The following RIC1 variants were observed in gnomAD, a reference collection of about 807,000 sequenced individuals.
The protein encoded by RIC1 is guanine nucleotide exchange factor subunit RIC1.
In RIC1, 88 loss-of-function variants were observed where a neutral mutation model predicts 169.0. That is an observed-to-expected ratio of 0.52 (90% CI 0.44 to 0.62). The LOEUF (loss-of-function observed/expected upper bound fraction) is 0.62. Ranked by LOEUF, RIC1 falls within the 20% of genes least tolerant of loss-of-function variation. RIC1 has a pLI of 0.00. For synonymous variants in RIC1, 790 were observed against 601.5 expected (o/e 1.31, Z -4.59); for missense variants, 1,877 against 1,725.5 (o/e 1.09, Z -1.56).
intron 2 of RIC1, among the ~76,000 whole-genome samples, chr9:5,659,381 A>G (rs1819308718): frequency 6.6e-6 from 1 of 152,242 alleles, no homozygotes; most frequent in East Asian, 1.9e-4. Flanking sequence ...ATGTCAACCC[A>G]TTGTCAACCC....
intron 3 of RIC1, among the ~76,000 whole-genome samples, chr9:5,696,286 A>T (rs1821899665): frequency 6.6e-6 from 1 of 152,020 alleles, no homozygotes; most frequent in South Asian, 2.1e-4. Flanking sequence ...ACGAAGTCCA[A>T]GCTCTCTGGC....
At chr9:5,727,344 G>A (rs1331826506) in intron 6 of RIC1, among the ~76,000 whole-genome samples, 1 of 152,090 alleles carries the variant, frequency 6.6e-6, no homozygotes, top group East Asian at 1.9e-4. Context: ...ACTGAAGCTT[G>A]TGCAGGCATC....
chr9:5,647,145 A>G (rs1175670450), intron 1 of RIC1, among the ~76,000 whole-genome samples: 1 of 151,714 alleles, frequency 6.6e-6, no homozygotes, highest in Non-Finnish European at 1.5e-5. Context: ...GTATTTCTGG[A>G]CTCTGTGTTT....
At chr9:5,713,320 C>G (rs1251875310) in intron 3 of RIC1, 3 of 152,238 alleles carry the variant, frequency 2.0e-5, no homozygotes, top group Non-Finnish European at 4.4e-5. Flanking sequence ...TGGCATTGAC[C>G]CAGCACTCTA....
At chr9:5,637,990 T>C (rs1462965621) in intron 1 of RIC1, among the ~76,000 whole-genome samples, 4 of 152,218 alleles carry the variant, frequency 2.6e-5, no homozygotes, top group Non-Finnish European at 5.9e-5. Flanking sequence ...GGGTCTGTTA[T>C]ATATGGCTTT....
chr9:5,757,054 T>C (rs1826054847), intron 16 of RIC1, among the ~76,000 whole-genome samples: 1 of 152,212 alleles, frequency 6.6e-6, no homozygotes, highest in Non-Finnish European at 1.5e-5. Flanking sequence ...CTTAAATATT[T>C]GTATTCTTAT....
At chr9:5,647,936 G>GGGTGGTGATGGTGGTGGT (rs1554658158) in intron 1 of RIC1, among the ~76,000 whole-genome samples, 2 of 121,242 alleles carry the variant, frequency 1.6e-5, no homozygotes, top group African/African-American at 5.9e-5. Context: ...GTGTGGGGGT[G>GGGTGGTGATGGTGGTGGT]GGTGGTGGTG....
At chr9:5,682,431 T>G (rs1820908523) in intron 2 of RIC1, among the ~76,000 whole-genome samples, 1 of 152,228 alleles carries the variant, frequency 6.6e-6, no homozygotes, top group Admixed American at 6.5e-5. Flanking sequence ...TTAGTTTGGC[T>G]GGATATGAAA....
intron 9 of RIC1, among the ~76,000 whole-genome samples, chr9:5,743,353 A>G (rs964632105): frequency 2.0e-5 from 3 of 152,156 alleles, no homozygotes; most frequent in Non-Finnish European, 2.9e-5. Flanking sequence ...AAGTTACGTT[A>G]TCTCATTAGG....
At chr9:5,684,086 C>A (rs374716103) in intron 2 of RIC1, among the ~76,000 whole-genome samples, 1 of 152,134 alleles carries the variant, frequency 6.6e-6, no homozygotes, top group African/African-American at 2.4e-5. Context: ...TGACCCCTTG[C>A]GCTTCCCAGG....
Position 5,738,481 on chromosome 9 carries a change from A to ATT in RIC1, c.844_845insTT (p.Ser282IlefsTer12). On this transcript the variant is annotated frameshift_variant, in exon 8 of 26. Transcript: ENST00000414202. LOFTEE classifies it high-confidence loss of function. The stretch of plus-strand genomic sequence containing the variant: ...TGTGCAGGTCTATACAATAGATAAC[A>ATT]GCACTGGAGCCATGCTGCTATCTCA... 6.2e-7 allele frequency: 1 copy of ATT among 1,606,466 alleles called. No individual in the cohort carries two copies. The highest frequency in any genetic ancestry group is 1.3e-5 in the African/African-American group (1 of 74,242).
At chr9:5,707,658 TG>T (rs1338645215) in intron 3 of RIC1, among the ~76,000 whole-genome samples, 8 of 152,066 alleles carry the variant, frequency 5.3e-5, no homozygotes, top group Non-Finnish European at 1.0e-4. Flanking sequence ...TAAAGTCTTT[TG>T]TTTTTTTGTT....
Position 5,774,269 on chromosome 9 carries a change from G to C in RIC1, c.*23G>C, listed in dbSNP as rs765947761. The C allele has an allele frequency of 8.2e-6, 13 of 1,579,038 alleles. No individual in the cohort carries two copies. The highest frequency in any genetic ancestry group is 2.7e-5 in the African/African-American group (2 of 74,058). On this transcript the variant is annotated 3_prime_UTR_variant, in exon 26 of 26. Coordinates refer to ENST00000414202, the MANE Select transcript of RIC1 (RefSeq NM_020829.4). ...TAACAGTGAGGTTCCATCACAAAGG[G>C]GCAGTATTAATTAGCAGCAGCGTGC... is the stretch of plus-strand genomic sequence containing the variant.
chr9:5,631,493 C>G (rs938976815), intron 1 of RIC1, among the ~76,000 whole-genome samples: 7 of 152,128 alleles, frequency 4.6e-5, no homozygotes, highest in African/African-American at 1.7e-4. Flanking sequence ...CGAGACCATC[C>G]TGGCCAACAT....
chr9:5,757,331 T>G lies in RIC1; in HGVS notation c.1872T>G (p.Gly624=). Residue 624 remains glycine (G), a synonymous_variant, in exon 17 of 26, where the codon GGT becomes GGG. Coordinates refer to ENST00000414202, the MANE Select transcript of RIC1 (RefSeq NM_020829.4). ...TTTACAGTCCAAATACTACTGCTGGTATTCAAGTTCTTCAGGAGGTTTCCA... is the reference window on the plus strand; with the variant it reads ...TTTACAGTCCAAATACTACTGCTGGGATTCAAGTTCTTCAGGAGGTTTCCA... The part of the protein sequence containing the change: ...RKSDGPNTTA[G]IQVLQEVSMS... The G allele has an allele frequency of 6.2e-7, 1 of 1,614,114 alleles. No homozygotes were observed. The highest frequency in any genetic ancestry group is 8.5e-7 in the Non-Finnish European group (1 of 1,179,946).
At chr9:5,723,779 C>G (rs1688134210) in intron 6 of RIC1, among the ~76,000 whole-genome samples, 2 of 152,186 alleles carry the variant, frequency 1.3e-5, no homozygotes, top group Non-Finnish European at 2.9e-5. Context: ...CTACATATGG[C>G]TAGCCCGTTT....
At chr9:5,718,108 C>G (rs1218457680) in intron 4 of RIC1, among the ~76,000 whole-genome samples, 1 of 124,468 alleles carries the variant, frequency 8.0e-6, no homozygotes, top group Non-Finnish European at 1.6e-5. Context: ...CCACTGCACT[C>G]CAGCTTGGGC....
At chr9:5,671,266 TTATTA>T (rs1820076759) in intron 2 of RIC1, among the ~76,000 whole-genome samples, 2 of 149,338 alleles carry the variant, frequency 1.3e-5, no homozygotes, top group South Asian at 4.2e-4. Flanking sequence ...TTTATTATTA[TTATTA>T]TTATTTTTTT....
At chr9:5,645,488 G>C (rs960457097) in intron 1 of RIC1, among the ~76,000 whole-genome samples, 1 of 152,164 alleles carries the variant, frequency 6.6e-6, no homozygotes, top group African/African-American at 2.4e-5. Context: ...ACCACCATCA[G>C]TATCCAGAAC....
Sources: gnomAD v4.1 joint callset for allele counts (sites outside exome capture counted in the v4.1 genomes callset) on GRCh38, gnomAD v4.1.1 for gene constraint, MANE v1.5 for transcripts, NCBI Gene and HGNC (gene_info 2026-07-23, HGNC 2026-07-21) for gene names.